CLMP: variants seen among roughly 807,000 people sequenced by gnomAD.
CLMP encodes the protein CXADR like cell adhesion molecule.
A neutral mutation model predicts 45.2 loss-of-function variants in CLMP; 27 were observed. The ratio of observed to expected loss-of-function variants is 0.60; its 90% CI spans 0.44 to 0.82. The LOEUF (loss-of-function observed/expected upper bound fraction) is 0.82, where lower values mean the gene tolerates loss of function less well. CLMP is among the 40% of genes least tolerant of loss of function. The pLI, the probability that CLMP is intolerant of heterozygous loss-of-function variation, is 0.00. For synonymous variants in CLMP, 167 were observed against 171.4 expected (o/e 0.97, Z 0.20); for missense variants, 403 against 448.4 (o/e 0.90, Z 0.91).
intron 1 of CLMP, among the ~76,000 whole-genome samples, chr11:123,156,253 T>C (rs1555085261): frequency 6.6e-6 from 1 of 152,160 alleles, no homozygotes; most frequent in Non-Finnish European, 1.5e-5. Flanking sequence ...GACACTGAAT[T>C]TGTCAGCACC....
At chr11:123,153,082 C>T (rs562727769) in intron 1 of CLMP, among the ~76,000 whole-genome samples, 3 of 152,216 alleles carry the variant, frequency 2.0e-5, no homozygotes, top group Admixed American at 1.3e-4. Context: ...TCTGGCTGAG[C>T]GAGTACAGAG....
intron 1 of CLMP, among the ~76,000 whole-genome samples, chr11:123,169,899 TGAAA>T (rs1243712925): frequency 1.3e-5 from 2 of 152,176 alleles, no homozygotes; most frequent in African/African-American, 2.4e-5. Context: ...GGCAGTTGGT[TGAAA>T]GAGTTTATCT....
chr11:123,155,305 T>C (rs1861397681), intron 1 of CLMP, among the ~76,000 whole-genome samples: 2 of 152,240 alleles, frequency 1.3e-5, no homozygotes, highest in Admixed American at 6.5e-5. Context: ...AAGACCTTTC[T>C]GACTCTGGCA....
At chr11:123,074,867 C>A (rs767434159) in intron 5 of CLMP, 24 bp from the exon 6 acceptor site, 3 of 1,606,916 alleles carry the variant, frequency 1.9e-6, no homozygotes, top group Non-Finnish European at 2.5e-6. Context: ...AGCAAAAGCA[C>A]AAGTAAAACC....
At chr11:123,150,565 G>GAAGGA (rs1861320126) in intron 1 of CLMP, among the ~76,000 whole-genome samples, 1 of 118,902 alleles carries the variant, frequency 8.4e-6, no homozygotes, top group African/African-American at 3.8e-5. Context: ...GGAAGGAAAG[G>GAAGGA]AAGGAAGGAA....
At chr11:123,139,673 G>C (rs901968538) in intron 1 of CLMP, among the ~76,000 whole-genome samples, 29 of 152,050 alleles carry the variant, frequency 1.9e-4, no homozygotes, top group Non-Finnish European at 3.7e-4. Context: ...AAAATTAGCT[G>C]GGCATGGTGG....
chr11:123,174,081 C>A (rs115462277), intron 1 of CLMP, among the ~76,000 whole-genome samples: 4,210 of 151,960 alleles, frequency 0.028, 190 homozygotes, highest in African/African-American at 0.095. Context: ...GACCCTGTTT[C>A]AAAAAAAATT....
chr11:123,184,460 C>T (rs1861807447), intron 1 of CLMP, among the ~76,000 whole-genome samples: 1 of 152,206 alleles, frequency 6.6e-6, no homozygotes, highest in Non-Finnish European at 1.5e-5. Flanking sequence ...GTTTCTTCTG[C>T]TCATGCTGCC....
intron 1 of CLMP, among the ~76,000 whole-genome samples, chr11:123,133,348 C>G (rs1050343743): frequency 7.9e-5 from 12 of 152,108 alleles, no homozygotes; most frequent in African/African-American, 2.4e-4. Context: ...ATTAAGAATC[C>G]TACTGAGAGA....
intron 1 of CLMP, among the ~76,000 whole-genome samples, chr11:123,144,623 G>A (rs1861212455): frequency 6.6e-6 from 1 of 152,170 alleles, no homozygotes; most frequent in Admixed American, 6.5e-5. Flanking sequence ...TCCTACCTTG[G>A]CCTCCCAAAG....
intron 2 of CLMP, among the ~76,000 whole-genome samples, chr11:123,093,214 C>A (rs578130875): frequency 6.6e-6 from 1 of 152,118 alleles, no homozygotes; most frequent in South Asian, 2.1e-4. Flanking sequence ...CCATCACACA[C>A]CTACTTTTAA....
chr11:123,121,865 G>A (rs777080073), intron 1 of CLMP, among the ~76,000 whole-genome samples: 6 of 152,116 alleles, frequency 3.9e-5, no homozygotes, highest in Non-Finnish European at 8.8e-5. Flanking sequence ...TCAGCCACCT[G>A]AGTAGCTGGT....
chr11:123,140,850 T>TGGA (rs150540303), intron 1 of CLMP, among the ~76,000 whole-genome samples: 22,114 of 152,078 alleles, frequency 0.15, 1,710 homozygotes, highest in Non-Finnish European at 0.17. Context: ...CCTCTAATGT[T>TGGA]GGAGGTGGGC....
chr11:123,181,115 C>T (rs1290041540), intron 1 of CLMP, among the ~76,000 whole-genome samples: 1 of 152,186 alleles, frequency 6.6e-6, no homozygotes, highest in Non-Finnish European at 1.5e-5. Flanking sequence ...CACAGCGTGA[C>T]CTCTATAGCA....
chr11:123,089,718 A>G (rs1235843305), intron 2 of CLMP, among the ~76,000 whole-genome samples: 1 of 148,782 alleles, frequency 6.7e-6, no homozygotes, highest in African/African-American at 2.5e-5. Context: ...CGGAGCTTGC[A>G]GTGAGCCAAG....
intron 2 of CLMP, among the ~76,000 whole-genome samples, chr11:123,088,190 G>A (rs1439151648): frequency 1.3e-5 from 2 of 152,112 alleles, no homozygotes; most frequent in African/African-American, 2.4e-5. Flanking sequence ...GATTACAGGT[G>A]TGAGCCACCA....
In CLMP at chr11:123,194,947, C is replaced by T. The variant is rs958879271; in HGVS notation, c.-7G>A. 1 of 1,612,094 alleles carries T rather than the reference C, an allele frequency of 6.2e-7. No individual in the cohort carries two copies. The highest frequency in any genetic ancestry group is 1.3e-5 in the African/African-American group (1 of 74,864). The stretch of plus-strand genomic sequence containing the variant: ...GGAGAAGGAGGAGGGACATCCCGAT[C>T]CCCGGACGCGGGCGCTTCCCCGCTC... On this transcript the variant is annotated 5_prime_UTR_variant, in exon 1 of 7. Transcript: ENST00000448775.
chr11:123,099,866 A>G (rs1350023956), intron 1 of CLMP, among the ~76,000 whole-genome samples: 2 of 152,216 alleles, frequency 1.3e-5, no homozygotes. Context: ...GAGATAATTT[A>G]GGAGTTGTGT....
chr11:123,121,198 T>C (rs568573066), intron 1 of CLMP, among the ~76,000 whole-genome samples: 2 of 152,112 alleles, frequency 1.3e-5, no homozygotes, highest in South Asian at 4.1e-4. Context: ...GGCTTCTTTG[T>C]AGGCTGTTTG....
Sources: gnomAD v4.1 joint callset for allele counts (sites outside exome capture counted in the v4.1 genomes callset) on GRCh38, gnomAD v4.1.1 for gene constraint, MANE v1.5 for transcripts, NCBI Gene and HGNC (gene_info 2026-07-23, HGNC 2026-07-21) for gene names.